Variants in TAF3 observed in about 807,000 individuals in gnomAD.
TAF3 encodes the protein transcription initiation factor TFIID subunit 3.
A neutral mutation model predicts 80.6 loss-of-function variants in TAF3; 7 were observed. The ratio of observed to expected loss-of-function variants is 0.09; its 90% CI spans 0.05 to 0.16. TAF3 has a LOEUF of 0.16. TAF3 is among the 10% of genes least tolerant of loss of function. TAF3 has a pLI of 1.00. For missense variants in TAF3, 921 were observed against 1,140.2 expected, an observed-to-expected ratio of 0.81 and a Z score of 2.77; for synonymous variants, 444 against 446.1, an observed-to-expected ratio of 1.00 and a Z score of 0.06.
rs1273168898 is a variant in TAF3, at chr10:7,922,594, C to T, written c.410-41326C>T. 3.9e-5 allele frequency among the ~76,000 whole-genome samples: 6 copies of T among 152,004 alleles called. No individual in the cohort carries two copies. In the East Asian group the frequency reaches 1.2e-3, roughly 29 times the overall value. On this transcript the variant is annotated intron_variant, in intron 2 of 6. Coordinates refer to ENST00000344293, the MANE Select transcript of TAF3 (RefSeq NM_031923.4). ...AAAGCATGACATGTTGAGATGACTG[C>T]CTGGTGACTGAGACTTGATTGTTGA... is the stretch of plus-strand genomic sequence containing the variant.
intron 2 of TAF3, among the ~76,000 whole-genome samples, chr10:7,940,531 A>T (rs1476340025): frequency 6.6e-6 from 1 of 152,258 alleles, no homozygotes; most frequent in African/African-American, 2.4e-5. Flanking sequence ...CAGTTCTCAT[A>T]AAGTTAGAAA....
chr10:7,993,880 CTTTTTTT>C (rs953356058), intron 4 of TAF3, among the ~76,000 whole-genome samples: 2 of 104,418 alleles, frequency 1.9e-5, no homozygotes, highest in East Asian at 2.9e-4. Context: ...AATATACAAT[CTTTTTTT>C]TTTTTTTTTT....
chr10:7,822,725 A>G (rs1385405404), intron 1 of TAF3, among the ~76,000 whole-genome samples: 1 of 152,196 alleles, frequency 6.6e-6, no homozygotes, highest in Non-Finnish European at 1.5e-5. Context: ...GAAGTGATCA[A>G]ATTTCAGGAT....
intron 1 of TAF3, among the ~76,000 whole-genome samples, chr10:7,820,461 A>T (rs918762422): frequency 1.3e-5 from 2 of 152,226 alleles, no homozygotes; most frequent in Admixed American, 1.3e-4. Flanking sequence ...CCAAAAATGT[A>T]TATGTTTTGA....
At chr10:7,869,843 A>G (rs1837248316) in intron 2 of TAF3, among the ~76,000 whole-genome samples, 1 of 152,180 alleles carries the variant, frequency 6.6e-6, no homozygotes, top group Non-Finnish European at 1.5e-5. Context: ...TTGATTACCA[A>G]TGAATATATT....
chr10:7,925,012 T>C (rs368358690), intron 2 of TAF3, among the ~76,000 whole-genome samples: 5 of 152,288 alleles, frequency 3.3e-5, no homozygotes, highest in East Asian at 3.9e-4. Flanking sequence ...ATTTGTAAGG[T>C]TCAAACTATA....
intron 4 of TAF3, among the ~76,000 whole-genome samples, chr10:7,986,702 T>G (rs1470470167): frequency 1.3e-5 from 2 of 152,136 alleles, no homozygotes; most frequent in Non-Finnish European, 1.5e-5. Context: ...TAGACACAAA[T>G]GGTCAGGTCA....
intron 2 of TAF3, among the ~76,000 whole-genome samples, chr10:7,876,731 G>A (rs1014717514): frequency 2.6e-5 from 4 of 152,126 alleles, no homozygotes; most frequent in Admixed American, 2.0e-4. Flanking sequence ...TTTATCTTTG[G>A]AGCATAGCCA....
chr10:7,970,079 TTAAGA>T (rs1378602682), intron 3 of TAF3, among the ~76,000 whole-genome samples: 1 of 152,238 alleles, frequency 6.6e-6, no homozygotes, highest in African/African-American at 2.4e-5. Context: ...TGTCATTTAA[TTAAGA>T]TAAGTAGAGG....
chr10:7,861,666 G>A (rs965352602), intron 2 of TAF3, among the ~76,000 whole-genome samples: 2 of 151,968 alleles, frequency 1.3e-5, no homozygotes, highest in African/African-American at 4.8e-5. Flanking sequence ...GAAGTCAGAC[G>A]TCATTTGTCT....
intron 2 of TAF3, among the ~76,000 whole-genome samples, chr10:7,907,618 G>T (rs948620059): frequency 1.3e-5 from 2 of 152,194 alleles, no homozygotes; most frequent in African/African-American, 4.8e-5. Flanking sequence ...TACTGACTTG[G>T]TATGAAATGG....
chr10:7,999,988 C>T (rs1389324146), intron 4 of TAF3, among the ~76,000 whole-genome samples: 2 of 152,142 alleles, frequency 1.3e-5, no homozygotes, highest in East Asian at 1.9e-4. Context: ...TCATTTTTTC[C>T]CCAGTAAATT....
intron 2 of TAF3, among the ~76,000 whole-genome samples, chr10:7,829,727 A>T (rs1836779734): frequency 2.0e-5 from 3 of 152,150 alleles, no homozygotes; most frequent in Admixed American, 1.3e-4. Context: ...GTTTCTTCAC[A>T]GTAAAGTTTC....
intron 4 of TAF3, among the ~76,000 whole-genome samples, chr10:8,000,334 CT>C (rs1309022944): frequency 1.3e-5 from 2 of 152,108 alleles, no homozygotes; most frequent in East Asian, 3.9e-4. Context: ...CCAGGCTGGT[CT>C]CGAACTCCCA....
chr10:7,911,734 T>G (rs987489265), intron 2 of TAF3, among the ~76,000 whole-genome samples: 13 of 152,172 alleles, frequency 8.5e-5, no homozygotes, highest in Non-Finnish European at 1.6e-4. Context: ...ATCAGAAAAA[T>G]TTTACGTAAC....
In TAF3 at chr10:8,009,097, C is replaced by T; in HGVS notation, c.2335C>T (p.Pro779Ser). 1 of 1,601,738 alleles carries T rather than the reference C, an allele frequency of 6.2e-7. No individual in the cohort carries two copies. Among genetic ancestry groups the T allele is most frequent in the Non-Finnish European group, 8.5e-7 (1 of 1,174,846 alleles). ...TGACAGTGTCATCAGCAAGGTGGTC[C>T]CTGCCCCCGAGGCCAAGCCGGCGCC... ...QDKIVISKVV[P>S]APEAKPAPSQ... The change falls in exon 5 of 7, where the codon CCT becomes TCT. Residue 779 changes from proline to serine, a missense_variant. Transcript: ENST00000344293. The surrounding 1 kb of genome is among the most constrained non-coding windows in gnomAD (Gnocchi z 4.1).
At chr10:7,985,479 A>G (rs1461047908) in intron 4 of TAF3, among the ~76,000 whole-genome samples, 1 of 152,182 alleles carries the variant, frequency 6.6e-6, no homozygotes, top group East Asian at 1.9e-4. Flanking sequence ...TGTATGAGAA[A>G]AAGGCTATGT....
At chr10:7,845,801 T>G (rs7906959) in intron 2 of TAF3, among the ~76,000 whole-genome samples, 1 of 152,054 alleles carries the variant, frequency 6.6e-6, no homozygotes, top group African/African-American at 2.4e-5. Flanking sequence ...TTTTAACTTA[T>G]GTGAATAGCA....
intron 2 of TAF3, among the ~76,000 whole-genome samples, chr10:7,955,843 T>C (rs1838130217): frequency 6.6e-6 from 1 of 152,216 alleles, no homozygotes; most frequent in Admixed American, 6.5e-5. Context: ...TATTTGTTTG[T>C]GTTATTAATG....
Sources: allele counts gnomAD v4.1 joint callset (sites outside exome capture counted in the v4.1 genomes callset), GRCh38; gene constraint gnomAD v4.1.1; non-coding constraint Gnocchi (gnomAD v3.1); transcripts MANE v1.5; gene names NCBI Gene and HGNC (gene_info 2026-07-23, HGNC 2026-07-21).